CD36: variants seen among roughly 807,000 people sequenced by gnomAD.
CD36 encodes platelet glycoprotein 4.
A neutral mutation model predicts 55.2 loss-of-function variants in CD36; 119 were observed. The ratio of observed to expected loss-of-function variants is 2.15; its 90% CI spans 1.86 to 2.51. CD36 has a LOEUF of 2.51. CD36 is among the 30% of genes most tolerant of loss of function. The probability of loss-of-function intolerance (pLI) is 0.00; values close to 1 mark genes in which losing one functional copy is unlikely to be tolerated. For synonymous variants in CD36, 186 were observed against 193.6 expected, an observed-to-expected ratio of 0.96 and a Z score of 0.33; for missense variants, 819 against 555.5, an observed-to-expected ratio of 1.47 and a Z score of -4.77.
At position 80,672,857 on chromosome 7, in the gene CD36, AAATGGTTATTTTG is replaced by A; in HGVS notation, c.1199+16_1199+28del. ...AGAAAAAATTCAGTGAGTCTCTTGA[AAATGGTTATTTTG>A]ATATGATCTGTAGTATCGTAGTATC... On this transcript the variant is annotated intron_variant, in intron 12 of 14. Transcript: ENST00000447544. 1 of 1,577,870 alleles carries A rather than the reference AAATGGTTATTTTG, an allele frequency of 6.3e-7. No individual in the cohort carries two copies. The highest frequency in any genetic ancestry group is 8.7e-7 in the Non-Finnish European group (1 of 1,148,774).
At chr7:80,642,315 C>T (rs1217673891) in intron 1 of CD36, among the ~76,000 whole-genome samples, 1 of 152,016 alleles carries the variant, frequency 6.6e-6, no homozygotes. Flanking sequence ...AAATTAATTA[C>T]CTATTTTCAT....
intron 1 of CD36, among the ~76,000 whole-genome samples, chr7:80,613,747 T>A (rs1403196199): frequency 6.6e-6 from 1 of 152,180 alleles, no homozygotes; most frequent in Non-Finnish European, 1.5e-5. Context: ...TAAATTTGAA[T>A]AGTTCAAAAG....
intron 1 of CD36, among the ~76,000 whole-genome samples, chr7:80,610,233 G>T (rs1312944672): frequency 6.6e-6 from 1 of 152,128 alleles, no homozygotes; most frequent in Non-Finnish European, 1.5e-5. Context: ...TATTGTCATT[G>T]TAATTATCAT....
chr7:80,637,257 A>C (rs1794483042), upstream of CD36, among the ~76,000 whole-genome samples: 1 of 152,082 alleles, frequency 6.6e-6, no homozygotes, highest in Non-Finnish European at 1.5e-5. Context: ...CAAAATAGAT[A>C]TTCTTAACCA....
chr7:80,627,161 T>G (rs890014176), intron 1 of CD36, among the ~76,000 whole-genome samples: 1 of 152,036 alleles, frequency 6.6e-6, no homozygotes, highest in African/African-American at 2.4e-5. Context: ...CTGACTCAGG[T>G]TTTTACAGGA....
chr7:80,646,722 C>CA lies in CD36; in HGVS notation c.-18dup, dbSNP rs75112981. ...AAGAAACAGGTGCTTAACACTAATT[C>CA]ACCTCCTGAACAAGAAAAATGGGCT... On this transcript the variant is annotated 5_prime_UTR_variant, in exon 3 of 15. Transcript: ENST00000447544. The CA allele has an allele frequency of 1.7e-4, 278 of 1,613,742 alleles. No individual in the cohort carries two copies. The East Asian group carries it at 5.4e-3, about 31-fold the overall frequency.
intron 14 of CD36, 70 bp downstream of exon 14, chr7:80,674,217 A>G: frequency 8.7e-7 from 1 of 1,148,166 alleles, no homozygotes; most frequent in Non-Finnish European, 1.3e-6. Flanking sequence ...ACTTTATCAA[A>G]GAGAAGTTAC....
intron 3 of CD36, among the ~76,000 whole-genome samples, chr7:80,648,074 C>T (rs1795306420): frequency 6.6e-6 from 1 of 152,108 alleles, no homozygotes; most frequent in African/African-American, 2.4e-5. Context: ...CAGCCTCATG[C>T]ATTTAACTGA....
Position 80,672,835 on chromosome 7 carries a change from A to AAAAATTCAGTGAGTCTCTTG in CD36, c.1197_1199+17dup, listed in dbSNP as rs754698178. ...TCAACCTATTGGTCAAGCCATCAGA[A>AAAAATTCAGTGAGTCTCTTG]AAAATTCAGTGAGTCTCTTGAAAAT... is the stretch of plus-strand genomic sequence containing the variant. On this transcript the variant is annotated stop_gained and frameshift_variant, in exon 12 of 15. Coordinates refer to ENST00000447544, the MANE Select transcript of CD36 (RefSeq NM_001001548.3). LOFTEE classifies it high-confidence loss of function. The AAAAATTCAGTGAGTCTCTTG allele has an allele frequency of 4.0e-5, 65 of 1,608,540 alleles. No individual in the cohort carries two copies. Among genetic ancestry groups the AAAAATTCAGTGAGTCTCTTG allele is most frequent in the Non-Finnish European group, 5.5e-5 (65 of 1,176,068 alleles).
chr7:80,630,851 G>A (rs1031018822), intron 1 of CD36, among the ~76,000 whole-genome samples: 1 of 151,998 alleles, frequency 6.6e-6, no homozygotes, highest in East Asian at 1.9e-4. Context: ...TACGCTTAGA[G>A]TATTCACTCT....
upstream of CD36, among the ~76,000 whole-genome samples, chr7:80,638,097 C>T (rs1219852887): frequency 1.3e-5 from 2 of 151,896 alleles, no homozygotes; most frequent in Non-Finnish European, 2.9e-5. Context: ...GAACAATAGG[C>T]TGTTTCCTTT....
chr7:80,656,416 T>A (rs1796070660), intron 3 of CD36, 124 bp from the exon 4 acceptor site: 1 of 755,404 alleles, frequency 1.3e-6, no homozygotes, highest in Non-Finnish European at 2.3e-6. Context: ...TTGCAAAGGT[T>A]CTCATGAATG....
chr7:80,615,918 T>C (rs1313185079), intron 1 of CD36, among the ~76,000 whole-genome samples: 1 of 152,188 alleles, frequency 6.6e-6, no homozygotes, highest in Non-Finnish European at 1.5e-5. Context: ...GATAATTCTG[T>C]TTTTAGGAAG....
chr7:80,612,772 T>C (rs540642993), intron 1 of CD36, among the ~76,000 whole-genome samples: 1 of 152,270 alleles, frequency 6.6e-6, no homozygotes, highest in African/African-American at 2.4e-5. Flanking sequence ...GTGTCTTAAA[T>C]GTATAAGCAT....
chr7:80,604,397 GTATGCCATTGGTT>G (rs1792427363), intron 1 of CD36, among the ~76,000 whole-genome samples: 1 of 62,866 alleles, frequency 1.6e-5, no homozygotes, highest in Non-Finnish European at 3.0e-5. Context: ...TTTTAGCAAA[GTATGCCATTGGTT>G]CCACAATAAG....
chr7:80,635,453 T>G (rs1794339782), upstream of CD36, among the ~76,000 whole-genome samples: 2 of 152,090 alleles, frequency 1.3e-5, no homozygotes. Context: ...TTTTGTATTT[T>G]TAGTAGAGAG....
chr7:80,671,976 C>T lies in CD36; in HGVS notation c.1061C>T (p.Ser354Leu). 6.2e-7 allele frequency: 1 copy of T among 1,610,330 alleles called. No homozygotes were observed. The highest frequency in any genetic ancestry group is 8.5e-7 in the Non-Finnish European group (1 of 1,177,168). The change falls in exon 11 of 15, where the codon TCA (serine) becomes TTA (leucine). Residue 354 changes from serine to leucine, a missense_variant. Transcript: ENST00000447544. ...TTTCTGTATGCAAGTCCTGATGTTT[C>T]AGAACCTATTGATGGATTAAACCCA... ...PHFLYASPDV[S>L]EPIDGLNPNE...
At chr7:80,672,696 A>G in intron 11 of CD36, 74 bp from the exon 12 acceptor site, 1 of 1,027,696 alleles carries the variant, frequency 9.7e-7, no homozygotes, top group Non-Finnish European at 1.5e-6. Flanking sequence ...CTTCTGCTGT[A>G]AGAAAAATAA....
chr7:80,621,180 T>A (rs988053622), intron 1 of CD36, among the ~76,000 whole-genome samples: 1 of 152,124 alleles, frequency 6.6e-6, no homozygotes, highest in Non-Finnish European at 1.5e-5. Flanking sequence ...TATTTTAAAG[T>A]ATGTACATTT....
Sources: gnomAD v4.1 joint callset for allele counts (sites outside exome capture counted in the v4.1 genomes callset) on GRCh38, gnomAD v4.1.1 for gene constraint, MANE v1.5 for transcripts, NCBI Gene and HGNC (gene_info 2026-07-23, HGNC 2026-07-21) for gene names.